IMMP2L: variants seen among roughly 807,000 people sequenced by gnomAD.
IMMP2L encodes the protein inner mitochondrial membrane peptidase subunit 2.
In IMMP2L, 18 loss-of-function variants were observed where a neutral mutation model predicts 19.3. The observed-to-expected ratio is 0.93, with a 90% CI of 0.64 to 1.38. The LOEUF (loss-of-function observed/expected upper bound fraction) is 1.38. Among genes scored for constraint, IMMP2L ranks in the 40% most tolerant of loss-of-function variants. The pLI, the probability that IMMP2L is intolerant of heterozygous loss-of-function variation, is 0.00. For missense variants in IMMP2L, 233 were observed against 218.2 expected (o/e 1.07, Z -0.43); for synonymous variants, 76 against 73.0 (o/e 1.04, Z -0.21).
chr7:111,049,460 A>AG (rs1362344840), intron 3 of IMMP2L, among the ~76,000 whole-genome samples: 4 of 152,218 alleles, frequency 2.6e-5, no homozygotes, highest in Admixed American at 1.3e-4. Context: ...AAAAGTATTA[A>AG]GGGATATTAA....
rs145925262 is a variant in IMMP2L at position 111,322,955 on chromosome 7, T to C, written c.239+164283A>G. Reference sequence around the variant, plus strand: ...TTTTTTTTTACAAAAGTAAATAAAATGGTGAATGCACCTTTGTTTTACACG... The same window carrying C: ...TTTTTTTTTACAAAAGTAAATAAAACGGTGAATGCACCTTTGTTTTACACG... On this transcript the variant is annotated intron_variant, in intron 3 of 5. Coordinates refer to ENST00000405709, the MANE Select transcript of IMMP2L (RefSeq NM_032549.4). 7.8e-4 allele frequency among the ~76,000 whole-genome samples: 118 copies of C among 151,870 alleles called. 1 individual carries two copies. Among genetic ancestry groups the C allele is most frequent in the Middle Eastern group, 6.8e-3 (2 of 292 alleles).
chr7:111,217,618 T>C lies in IMMP2L; in HGVS notation c.240-254053A>G, dbSNP rs376416985. ...AACGTCCGTTGAGTCAGAAAGAGAA[T>C]TGTGACAGAATTATCCAATCTCCTT... On this transcript the variant is annotated intron_variant, in intron 3 of 5. Coordinates refer to ENST00000405709, the MANE Select transcript of IMMP2L (RefSeq NM_032549.4). Among the ~76,000 whole-genome samples, 40 of 152,200 alleles carry C rather than the reference T, an allele frequency of 2.6e-4. 2 individuals carry two copies. Among genetic ancestry groups the C allele is most frequent in the African/African-American group, 8.9e-4 (37 of 41,548 alleles).
At chr7:111,483,269 C>T (rs1330793669) in intron 3 of IMMP2L, among the ~76,000 whole-genome samples, 1 of 152,044 alleles carries the variant, frequency 6.6e-6, no homozygotes, top group Non-Finnish European at 1.5e-5. Context: ...ATGAAAGAAC[C>T]TCTGTCCCGA....
chr7:111,182,779 A>G (rs1288167275), intron 3 of IMMP2L, among the ~76,000 whole-genome samples: 2 of 152,016 alleles, frequency 1.3e-5, no homozygotes, highest in Non-Finnish European at 1.5e-5. Context: ...ATATGGCACA[A>G]TGTAAGCAGA....
At chr7:111,073,214 G>A (rs1043368313) in intron 3 of IMMP2L, among the ~76,000 whole-genome samples, 6 of 152,080 alleles carry the variant, frequency 3.9e-5, no homozygotes, top group Admixed American at 1.3e-4. Context: ...GACAATGAGT[G>A]TATATATACA....
intron 3 of IMMP2L, among the ~76,000 whole-genome samples, chr7:111,463,232 T>C (rs1304688827): frequency 6.6e-6 from 1 of 152,058 alleles, no homozygotes; most frequent in African/African-American, 2.4e-5. Context: ...ATACCATTCA[T>C]ATTGGATTAG....
intron 5 of IMMP2L, among the ~76,000 whole-genome samples, chr7:110,838,498 G>A (rs1804730708): frequency 6.6e-6 from 1 of 152,022 alleles, no homozygotes; most frequent in Admixed American, 6.6e-5. Context: ...GATAATGAGG[G>A]CTCTACTCTC....
intron 3 of IMMP2L, among the ~76,000 whole-genome samples, chr7:111,181,925 T>C (rs1261353514): frequency 1.3e-5 from 2 of 152,002 alleles, no homozygotes; most frequent in African/African-American, 4.8e-5. Context: ...TGCTTACATA[T>C]AGAACAAGTG....
rs183077543 is a variant in IMMP2L, at chr7:111,149,672, A to C, written c.240-186107T>G. Among the ~76,000 whole-genome samples, 44 of 152,294 alleles carry C rather than the reference A, an allele frequency of 2.9e-4. No homozygotes were observed. In the East Asian group the frequency reaches 8.1e-3, roughly 28 times the overall value. On this transcript the variant is annotated intron_variant, in intron 3 of 5. Transcript: ENST00000405709. ...AATTTTCCAACATATATAGGAAAAA[A>C]TCCACGTACAGACGGACCCCACAGT...
chr7:111,479,834 T>C (rs1334457794), intron 3 of IMMP2L, among the ~76,000 whole-genome samples: 1 of 152,094 alleles, frequency 6.6e-6, no homozygotes, highest in Non-Finnish European at 1.5e-5. Flanking sequence ...CTTTGAAAAC[T>C]TATAGTTACC....
At position 110,727,730 on chromosome 7, in the gene IMMP2L, T is replaced by C. The variant is rs904417535; in HGVS notation, c.409-64009A>G. Among the ~76,000 whole-genome samples, 1 of 152,230 alleles carries C rather than the reference T, an allele frequency of 6.6e-6. No homozygotes were observed. The highest frequency in any genetic ancestry group is 6.5e-5 in the Admixed American group (1 of 15,286). ...AATTATTAAATTGAATCCGTATTCT[T>C]ACCTCCGAAGCTACTGTAGAGAGTA... On this transcript the variant is annotated intron_variant, in intron 5 of 5. Coordinates refer to ENST00000405709, the MANE Select transcript of IMMP2L (RefSeq NM_032549.4). The surrounding 1 kb of genome is among the most constrained non-coding windows in gnomAD (Gnocchi z 4.3).
chr7:110,706,099 C>T (rs1562929013), intron 5 of IMMP2L, among the ~76,000 whole-genome samples: 1 of 151,988 alleles, frequency 6.6e-6, no homozygotes, highest in Non-Finnish European at 1.5e-5. Context: ...ATTACTGGGT[C>T]AAATGGTAGT....
intron 1 of IMMP2L, among the ~76,000 whole-genome samples, chr7:111,560,575 G>A (rs545775437): frequency 6.6e-6 from 1 of 152,260 alleles, no homozygotes; most frequent in South Asian, 2.1e-4. Context: ...TAATAATTCT[G>A]TTCTCCCACA....
chr7:111,510,913 T>C (rs1005182869), intron 2 of IMMP2L, among the ~76,000 whole-genome samples: 4 of 152,106 alleles, frequency 2.6e-5, no homozygotes, highest in African/African-American at 9.7e-5. Flanking sequence ...CTCTCCTCTG[T>C]CTGCTCTAGT....
intron 4 of IMMP2L, among the ~76,000 whole-genome samples, chr7:110,902,218 C>T (rs1046323590): frequency 7.3e-5 from 11 of 151,052 alleles, no homozygotes; most frequent in African/African-American, 2.4e-4. Context: ...AGAAAAAACA[C>T]CAAAAAAATG....
In IMMP2L at chr7:110,705,299, G is replaced by A. The variant is rs186255920; in HGVS notation, c.409-41578C>T. Among the ~76,000 whole-genome samples, 395 of 152,006 alleles carry A rather than the reference G, an allele frequency of 2.6e-3. 5 individuals carry two copies. The highest frequency in any genetic ancestry group is 9.0e-3 in the African/African-American group (373 of 41,314). On this transcript the variant is annotated intron_variant, in intron 5 of 5. Transcript: ENST00000405709. ...GTTTCTAGTATACTAGAATGTTTTAGGTGAACAAAGAGTAAACACATGATT... is the reference window on the plus strand; with the variant it reads ...GTTTCTAGTATACTAGAATGTTTTAAGTGAACAAAGAGTAAACACATGATT...
At position 111,496,534 on chromosome 7, in the gene IMMP2L, A is replaced by G. The variant is rs11981131; in HGVS notation, c.136-9193T>C. Among the ~76,000 whole-genome samples the G allele has an allele frequency of 5.6e-3, 849 of 152,294 alleles. 13 individuals carry two copies. The highest frequency in any genetic ancestry group is 0.019 in the African/African-American group (783 of 41,568). ...CCCTCACCCAACATGGGCAGGCACC[A>G]TGCAATTAGTTGAGGGCTTGGATAC... On this transcript the variant is annotated intron_variant, in intron 2 of 5. Coordinates refer to ENST00000405709, the MANE Select transcript of IMMP2L (RefSeq NM_032549.4).
intron 3 of IMMP2L, among the ~76,000 whole-genome samples, chr7:111,032,025 G>A (rs981525365): frequency 4.3e-5 from 6 of 139,408 alleles, no homozygotes; most frequent in South Asian, 2.3e-4. Flanking sequence ...TGCAACCTCC[G>A]CCTCCTGGGC....
intron 3 of IMMP2L, among the ~76,000 whole-genome samples, chr7:111,113,394 T>G (rs1799472252): frequency 6.6e-6 from 1 of 152,160 alleles, no homozygotes; most frequent in Non-Finnish European, 1.5e-5. Flanking sequence ...GTCTTTTTTT[T>G]TTGTATACAT....
Sources: gnomAD v4.1 joint callset for allele counts (sites outside exome capture counted in the v4.1 genomes callset) on GRCh38, gnomAD v4.1.1 for gene constraint, Gnocchi (gnomAD v3.1) non-coding constraint, MANE v1.5 for transcripts, NCBI Gene and HGNC (gene_info 2026-07-23, HGNC 2026-07-21) for gene names.